The following WT1 variants were observed in gnomAD, a reference collection of about 807,000 sequenced individuals.
The protein encoded by WT1 is Wilms tumor protein.
Under a neutral mutation model 60.8 loss-of-function variants are expected in WT1, and 8 were observed. That is an observed-to-expected ratio of 0.13 (90% CI 0.08 to 0.24). WT1 has a LOEUF of 0.24. Among genes scored for constraint, WT1 ranks in the 10% least tolerant of loss-of-function variants. WT1 has a pLI of 1.00. For synonymous variants in WT1, 312 were observed against 297.1 expected (o/e 1.05, Z -0.52); for missense variants, 568 against 711.8 (o/e 0.80, Z 2.30).
At chr11:32,418,921 G>A (rs1192935250) in intron 3 of WT1, among the ~76,000 whole-genome samples, 1 of 152,192 alleles carries the variant, frequency 6.6e-6, no homozygotes, top group African/African-American at 2.4e-5. Context: ...TTCCAGGAGG[G>A]AATTTTGCAT....
chr11:32,429,465 C>G (rs1315986479), intron 1 of WT1, among the ~76,000 whole-genome samples: 1 of 92,404 alleles, frequency 1.1e-5, no homozygotes, highest in Admixed American at 9.1e-5. Flanking sequence ...CTAGCATTCC[C>G]CCCCCCCCCC....
chr11:32,420,588 A>G (rs555062349), intron 3 of WT1, among the ~76,000 whole-genome samples: 2 of 152,270 alleles, frequency 1.3e-5, no homozygotes, highest in South Asian at 4.2e-4. Context: ...AGGCACAGAG[A>G]GATGCCCAGT....
At chr11:32,429,134 A>G in intron 1 of WT1, 1 of 253,296 alleles carries the variant, frequency 3.9e-6, no homozygotes, top group South Asian at 5.3e-5. Context: ...TAAAAATGGG[A>G]AGAGTAATTA....
intron 6 of WT1, among the ~76,000 whole-genome samples, chr11:32,398,530 A>G (rs1852043473): frequency 6.6e-6 from 1 of 152,104 alleles, no homozygotes; most frequent in African/African-American, 2.4e-5. Flanking sequence ...CCCTCCCACA[A>G]ACTGTTCACC....
chr11:32,396,349 C>A lies in WT1; in HGVS notation c.1172G>T (p.Ser391Ile). 6.2e-7 allele frequency: 1 copy of A among 1,614,184 alleles called. No homozygotes were observed. ...AGCACACATGAAGGGGCGTTTCTCACTGGTCTCAGATGCCGACCGTACAAG... is the reference window on the plus strand; with the variant it reads ...AGCACACATGAAGGGGCGTTTCTCAATGGTCTCAGATGCCGACCGTACAAG... Residue 391 changes from serine (S) to isoleucine (I), a missense_variant, in exon 7 of 10, where the codon AGT (serine) becomes ATT (isoleucine). Around this residue, in one of 3 missense-constraint regions of WT1, gnomAD observed 523 missense variants for 565.1 expected, o/e 0.93. Transcript: ENST00000452863.
intron 5 of WT1, among the ~76,000 whole-genome samples, chr11:32,414,230 A>G (rs541548795): frequency 3.3e-5 from 5 of 152,324 alleles, no homozygotes; most frequent in African/African-American, 1.2e-4. Context: ...CAGCTCCCTG[A>G]ATAAAGTTAA....
At chr11:32,423,933 C>T (rs758853510) in intron 3 of WT1, among the ~76,000 whole-genome samples, 5 of 152,058 alleles carry the variant, frequency 3.3e-5, no homozygotes, top group Admixed American at 6.5e-5. Context: ...GAGGCCCAGG[C>T]GGGTGGATCA....
rs1564980407 is a variant in WT1, at chr11:32,406,807, G to T, written c.1017-6763C>A. Among the ~76,000 whole-genome samples, 14 of 152,244 alleles carry T rather than the reference G, an allele frequency of 9.2e-5. 1 individual carries two copies. In the South Asian group the frequency reaches 2.9e-3, roughly 32 times the overall value. On this transcript the variant is annotated intron_variant, in intron 5 of 9. Transcript: ENST00000452863. The stretch of plus-strand genomic sequence containing the variant: ...TGCTTTTCCTAGACAGCTTTAAAAT[G>T]CATAAACACGGCCGGGTGCAGTGGC...
chr11:32,430,774 C>G (rs1853277854), intron 1 of WT1: 1 of 1,323,986 alleles, frequency 7.6e-7, no homozygotes, highest in African/African-American at 1.5e-5. Context: ...GCCTCAAACC[C>G]TCTCCTTCAG....
Position 32,414,016 on chromosome 11 carries a change from C to T in WT1, c.1016+2474G>A, listed in dbSNP as rs549692270. On this transcript the variant is annotated intron_variant, in intron 5 of 9. Transcript: ENST00000452863. ...AGATCAGAAGAGGAAACATGTACAG[C>T]CCCTCACACGGCACCCAATACTGTT... 2.6e-5 allele frequency among the ~76,000 whole-genome samples: 4 copies of T among 152,288 alleles called. No individual in the cohort carries two copies. In the South Asian group the frequency reaches 8.3e-4, roughly 32 times the overall value.
At chr11:32,425,153 G>C (rs1852985719) in intron 3 of WT1, among the ~76,000 whole-genome samples, 2 of 149,784 alleles carry the variant, frequency 1.3e-5, no homozygotes, top group Admixed American at 6.6e-5. Flanking sequence ...CTCCAGCCTG[G>C]GCGACAGAGT....
chr11:32,392,593 A>G (rs927683343), intron 8 of WT1, 73 bp downstream of exon 8: 8 of 1,443,652 alleles, frequency 5.5e-6, no homozygotes, highest in Non-Finnish European at 7.8e-6. Flanking sequence ...ATATTCAACA[A>G]CAAAGAGAAT....
At chr11:32,428,360 G>T in intron 2 of WT1, 137 bp downstream of exon 2, 1 of 1,437,118 alleles carries the variant, frequency 7.0e-7, no homozygotes, top group Non-Finnish European at 9.5e-7. Flanking sequence ...TAAATACAGT[G>T]CCATTGGGGT....
rs5030326 is a variant in WT1 at position 32,388,079 on chromosome 11, A to ATT, written c.*977_*978dup. 4.2e-6 allele frequency: 1 copy of ATT among 236,024 alleles called. No homozygotes were observed. The highest frequency in any genetic ancestry group is 6.0e-5 in the East Asian group (1 of 16,800). 14.6% of individuals were successfully genotyped at this position (236,024 alleles called of 1,614,324 possible). A position where few individuals can be genotyped will look rare whatever the true frequency, so the allele number is the denominator to read the frequency against. On this transcript the variant is annotated 3_prime_UTR_variant, in exon 10 of 10. Transcript: ENST00000452863. ...TGGATTTCCTCACCCAGTAAGTCTCATTTTTTTCACATATACTTGTAGACC... is the reference window on the plus strand; with the variant it reads ...TGGATTTCCTCACCCAGTAAGTCTCATTTTTTTTTCACATATACTTGTAGACC...
chr11:32,391,857 G>C (rs1851826268), intron 9 of WT1, 115 bp downstream of exon 9: 2 of 1,047,692 alleles, frequency 1.9e-6, no homozygotes, highest in South Asian at 2.5e-5. Flanking sequence ...TCTCTCAACT[G>C]AGTCTAAACC....
intron 3 of WT1, 145 bp from the exon 4 acceptor site, chr11:32,417,799 T>C (rs1852726621): frequency 1.4e-6 from 1 of 729,152 alleles, no homozygotes; most frequent in African/African-American, 1.7e-5. Context: ...ATCTGAATTA[T>C]TTTCATTTCA....
intron 3 of WT1, among the ~76,000 whole-genome samples, chr11:32,423,133 G>A (rs781299551): frequency 5.3e-5 from 8 of 152,180 alleles, no homozygotes; most frequent in Non-Finnish European, 8.8e-5. Flanking sequence ...GGGAAATTGT[G>A]CCTAGTAAGG....
chr11:32,429,735 G>C (rs1853206947), intron 1 of WT1, among the ~76,000 whole-genome samples: 1 of 151,988 alleles, frequency 6.6e-6, no homozygotes, highest in African/African-American at 2.4e-5. Flanking sequence ...GATCCTGGCA[G>C]GGCCACCCCA....
rs528602116 is a variant in WT1, at chr11:32,396,122, A to G, written c.1264+135T>C. 375 of 1,292,256 alleles carry G rather than the reference A, an allele frequency of 2.9e-4. 3 individuals are homozygous for G. The South Asian group carries it at 4.5e-3, about 15-fold the overall frequency. The allele number at this position is 1,292,256 out of a possible 1,614,324, so 80.0% of individuals were successfully genotyped here. A position where few individuals can be genotyped will look rare whatever the true frequency, so the allele number is the denominator to read the frequency against. On this transcript the variant is annotated intron_variant, in intron 7 of 9. Transcript: ENST00000452863. ...CAAAATGGCCCCACAGCCTCTTTAC[A>G]ACACCTGGATCAGACCTTTCAAAGC...
Sources: allele counts gnomAD v4.1 joint callset (sites outside exome capture counted in the v4.1 genomes callset), GRCh38; gene constraint gnomAD v4.1.1; regional missense constraint gnomAD v4.1.1; transcripts MANE v1.5; gene names NCBI Gene and HGNC (gene_info 2026-07-23, HGNC 2026-07-21).